Variants in TMEM182 observed in about 807,000 individuals in gnomAD.
The protein encoded by TMEM182 is transmembrane protein 182.
A neutral mutation model predicts 26.8 loss-of-function variants in TMEM182; 20 were observed. That is an observed-to-expected ratio of 0.75 (90% CI 0.53 to 1.09). The LOEUF (loss-of-function observed/expected upper bound fraction) is 1.09. Ranked by LOEUF, TMEM182 falls within the 50% of genes least tolerant of loss-of-function variation. The pLI is 0.00. For missense variants in TMEM182, 277 were observed against 275.5 expected, an observed-to-expected ratio of 1.01 and a Z score of -0.04; for synonymous variants, 109 against 102.2, an observed-to-expected ratio of 1.07 and a Z score of -0.40.
In TMEM182 at chr2:102,812,323, G is replaced by A. The variant is rs956877282; in HGVS notation, c.470-2425G>A. 1.7e-4 allele frequency among the ~76,000 whole-genome samples: 26 copies of A among 150,606 alleles called. No homozygotes were observed. The East Asian group carries it at 4.5e-3, about 26-fold the overall frequency. Reference sequence around the variant, plus strand: ...TGCTTCCATATCCACTAAACCATTGGCCTTTGGTGTAAATTCCTTCTCATT... The same window carrying A: ...TGCTTCCATATCCACTAAACCATTGACCTTTGGTGTAAATTCCTTCTCATT... On this transcript the variant is annotated intron_variant, in intron 4 of 4. Coordinates refer to ENST00000412401, the MANE Select transcript of TMEM182 (RefSeq NM_144632.5).
chr2:102,831,378 A>T lies in TMEM182; in HGVS notation c.326-12034A>T, dbSNP rs1683145217. On this transcript the variant is annotated intron_variant, in intron 3 of 3. Coordinates refer to the TMEM182 transcript ENST00000486293. Reference sequence around the variant, plus strand: ...ATGTATTCTACATTTTAACCAACTAACAAATGAAAGTTTGATACACAAAGG... The same window carrying T: ...ATGTATTCTACATTTTAACCAACTATCAAATGAAAGTTTGATACACAAAGG... Among the ~76,000 whole-genome samples, 4 of 152,222 alleles carry T rather than the reference A, an allele frequency of 2.6e-5. No individual in the cohort carries two copies. The South Asian group carries it at 8.3e-4, about 32-fold the overall frequency.
rs1680260994 is a variant in TMEM182 at position 102,762,647 on chromosome 2, G to T, written c.193G>T (p.Val65Leu). ...CTGGAGGTGTTGGTTTAATGGGATTGTGGAAGAGAATGACTCCAATATTTG... is the reference window on the plus strand; with the variant it reads ...CTGGAGGTGTTGGTTTAATGGGATTTTGGAAGAGAATGACTCCAATATTTG... ...FFWRCWFNGIVEENDSNIWKF... is the reference protein window; with the variant it reads ...FFWRCWFNGILEENDSNIWKF... The change falls in exon 2 of 5, where the codon GTG becomes TTG. Residue 65 changes from valine (V) to leucine (L), a missense_variant. Val to Leu is a conservative substitution (Grantham distance 32, BLOSUM62 1). Transcript: ENST00000412401. 6.2e-7 allele frequency: 1 copy of T among 1,613,966 alleles called. No individual in the cohort carries two copies. Among genetic ancestry groups the T allele is most frequent in the African/African-American group, 1.3e-5 (1 of 75,014 alleles).
chr2:102,766,905 T>G (rs1172873144), intron 3 of TMEM182, among the ~76,000 whole-genome samples: 1 of 152,196 alleles, frequency 6.6e-6, no homozygotes, highest in Non-Finnish European at 1.5e-5. Flanking sequence ...GTATGATTTT[T>G]CTGGAGTAAC....
intron 1 of TMEM182, among the ~76,000 whole-genome samples, chr2:102,744,461 C>T (rs540024174): frequency 3.3e-5 from 5 of 152,116 alleles, no homozygotes; most frequent in African/African-American, 9.6e-5. Context: ...ATTTTAAAAT[C>T]GGTAATTTAT....
intron 4 of TMEM182, among the ~76,000 whole-genome samples, chr2:102,801,519 G>A (rs1056025977): frequency 7.2e-5 from 11 of 152,160 alleles, no homozygotes; most frequent in South Asian, 6.2e-4. Flanking sequence ...CCAGATGGCT[G>A]TTATCTGGGT....
intron 1 of TMEM182, among the ~76,000 whole-genome samples, chr2:102,739,855 A>G (rs1679495194): frequency 6.6e-6 from 1 of 152,182 alleles, no homozygotes; most frequent in South Asian, 2.1e-4. Context: ...TCATGCAAAT[A>G]TGCTGATGTT....
chr2:102,738,686 A>C (rs1184848514), intron 1 of TMEM182, among the ~76,000 whole-genome samples: 1 of 152,128 alleles, frequency 6.6e-6, no homozygotes, highest in Non-Finnish European at 1.5e-5. Flanking sequence ...GGTGTCAGAC[A>C]AAAAAAGGGA....
intron 3 of TMEM182, among the ~76,000 whole-genome samples, chr2:102,824,127 C>A (rs1012550405): frequency 1.6e-4 from 25 of 152,268 alleles, no homozygotes; most frequent in African/African-American, 6.0e-4. Context: ...GGATTTGATT[C>A]TTAAGAGGTG....
intron 3 of TMEM182, among the ~76,000 whole-genome samples, chr2:102,842,072 T>G (rs1468032529): frequency 6.6e-6 from 1 of 152,192 alleles, no homozygotes; most frequent in African/African-American, 2.4e-5. Context: ...ATACATTCTG[T>G]TTATATAGTA....
At chr2:102,790,693 G>A (rs966779454) in intron 3 of TMEM182, among the ~76,000 whole-genome samples, 2 of 152,026 alleles carry the variant, frequency 1.3e-5, no homozygotes, top group South Asian at 4.2e-4. Flanking sequence ...ACATTTCCCT[G>A]TACTGCCTAC....
chr2:102,754,117 T>C (rs958365113), intron 1 of TMEM182, among the ~76,000 whole-genome samples: 5 of 152,142 alleles, frequency 3.3e-5, no homozygotes, highest in Admixed American at 3.3e-4. Context: ...ATAATTATCA[T>C]AGGGAAGCAA....
chr2:102,811,888 C>T (rs956909107), intron 4 of TMEM182, among the ~76,000 whole-genome samples: 11 of 152,090 alleles, frequency 7.2e-5, no homozygotes, highest in African/African-American at 1.4e-4. Context: ...TTGAGAATCC[C>T]GGTTTCATGG....
rs566792772 is a variant in TMEM182 at position 102,794,038 on chromosome 2, C to T, written c.332-3825C>T. Among the ~76,000 whole-genome samples the T allele has an allele frequency of 1.2e-4, 18 of 152,182 alleles. 1 individual carries two copies. The South Asian group carries it at 3.7e-3, about 32-fold the overall frequency. ...TGAGCTGTGATTACATGACTGCACT[C>T]CAGCCTGTATGACAGAGCAAGACTC... On this transcript the variant is annotated intron_variant, in intron 3 of 4. Coordinates refer to ENST00000412401, the MANE Select transcript of TMEM182 (RefSeq NM_144632.5).
intron 3 of TMEM182, among the ~76,000 whole-genome samples, chr2:102,827,529 C>A (rs1683057232): frequency 1.3e-5 from 2 of 152,176 alleles, no homozygotes; most frequent in African/African-American, 4.8e-5. Flanking sequence ...CTCGAAGCTT[C>A]CTTTTCCTTT....
intron 4 of TMEM182, among the ~76,000 whole-genome samples, chr2:102,802,895 T>C (rs1019987515): frequency 6.6e-6 from 1 of 152,192 alleles, no homozygotes; most frequent in African/African-American, 2.4e-5. Flanking sequence ...TGAAGTAGCC[T>C]TTTCTTAAAT....
intron 4 of TMEM182, among the ~76,000 whole-genome samples, chr2:102,803,290 G>A (rs1264933139): frequency 1.3e-5 from 2 of 152,190 alleles, no homozygotes; most frequent in African/African-American, 2.4e-5. Context: ...GATGAATTGT[G>A]TGAATCCTCT....
intron 1 of TMEM182, among the ~76,000 whole-genome samples, chr2:102,746,647 G>A (rs532629771): frequency 3.9e-5 from 6 of 152,042 alleles, no homozygotes; most frequent in Non-Finnish European, 1.5e-5. Flanking sequence ...AGGCTGGAGT[G>A]CAATGGCGCG....
At chr2:102,830,161 T>A (rs1683123728) in intron 3 of TMEM182, among the ~76,000 whole-genome samples, 1 of 152,262 alleles carries the variant, frequency 6.6e-6, no homozygotes, top group South Asian at 2.1e-4. Context: ...GATGTCTTAC[T>A]GCTTTTGCTG....
At position 102,764,430 on chromosome 2, in the gene TMEM182, A is replaced by G. The variant is rs1432656157; in HGVS notation, c.331+3A>G. On this transcript the variant is annotated splice_donor_region_variant and intron_variant, in intron 3 of 4. Transcript: ENST00000412401. ...GACCTCCTATGACTCTGCAGTTAGTAAGTACCCTCTGTCCTCAGCCTACTT... is the reference window on the plus strand; with the variant it reads ...GACCTCCTATGACTCTGCAGTTAGTGAGTACCCTCTGTCCTCAGCCTACTT... The G allele has an allele frequency of 3.1e-6, 5 of 1,613,046 alleles. No individual in the cohort carries two copies. The African/African-American group carries it at 4.0e-5, about 13-fold the overall frequency.
Sources: gnomAD v4.1 joint callset for allele counts (sites outside exome capture counted in the v4.1 genomes callset) on GRCh38, gnomAD v4.1.1 for gene constraint, MANE v1.5 for transcripts, NCBI Gene and HGNC (gene_info 2026-07-23, HGNC 2026-07-21) for gene names.